Variants in CSMD3 observed in about 807,000 individuals in gnomAD.
CSMD3 encodes the protein CUB and Sushi multiple domains 3.
CSMD3 carries 177 observed loss-of-function variants against 435.2 expected under a neutral mutation model. The ratio of observed to expected loss-of-function variants is 0.41; its 90% CI spans 0.36 to 0.46. The LOEUF (loss-of-function observed/expected upper bound fraction) is 0.46. Among genes scored for constraint, CSMD3 ranks in the 20% least tolerant of loss-of-function variants. The probability of loss-of-function intolerance (pLI) is 0.34; values close to 1 mark genes in which losing one functional copy is unlikely to be tolerated. For missense variants in CSMD3, 4,265 were observed against 4,504.6 expected (o/e 0.95, Z 1.52); for synonymous variants, 1,656 against 1,520.5 (o/e 1.09, Z -2.07).
At chr8:112,720,298 A>G (rs2076828990) in intron 13 of CSMD3, among the ~76,000 whole-genome samples, 1 of 145,848 alleles carries the variant, frequency 6.9e-6, no homozygotes, top group African/African-American at 2.6e-5. Context: ...TTAAAATGCT[A>G]GAAATTTTTT....
chr8:112,485,995 G>A (rs1820091111), intron 31 of CSMD3, among the ~76,000 whole-genome samples: 1 of 150,820 alleles, frequency 6.6e-6, no homozygotes, highest in African/African-American at 2.4e-5. Flanking sequence ...TGAAACAAAG[G>A]TATTGAAAAG....
intron 12 of CSMD3, among the ~76,000 whole-genome samples, chr8:112,821,358 T>A (rs144484102): frequency 0.011 from 1,700 of 152,306 alleles, 30 homozygotes; most frequent in African/African-American, 0.038. Flanking sequence ...TGGTGTGAGA[T>A]AATATCTCAC....
intron 2 of CSMD3, among the ~76,000 whole-genome samples, chr8:113,308,374 T>C (rs2093839787): frequency 1.4e-5 from 2 of 139,392 alleles, no homozygotes; most frequent in African/African-American, 2.7e-5. Flanking sequence ...GTTCACGCCA[T>C]TCTCCTGCCT....
chr8:112,301,580 G>A (rs939224354), intron 53 of CSMD3, among the ~76,000 whole-genome samples: 5 of 152,094 alleles, frequency 3.3e-5, no homozygotes, highest in Admixed American at 6.6e-5. Context: ...AAGAAAATGT[G>A]TCTCTCCTTA....
chr8:113,113,204 TA>T (rs2090716402), intron 4 of CSMD3, among the ~76,000 whole-genome samples: 1 of 152,196 alleles, frequency 6.6e-6, no homozygotes, highest in Admixed American at 6.5e-5. Context: ...TATTTTGTTT[TA>T]GTTTTATTTA....
intron 10 of CSMD3, among the ~76,000 whole-genome samples, chr8:112,866,850 AATT>A (rs2080999354): frequency 6.6e-6 from 1 of 152,184 alleles, no homozygotes; most frequent in Non-Finnish European, 1.5e-5. Flanking sequence ...CGCTTCTAGA[AATT>A]CTAACTTGTA....
intron 10 of CSMD3, among the ~76,000 whole-genome samples, chr8:112,863,580 TC>T (rs1184315193): frequency 6.6e-6 from 1 of 152,076 alleles, no homozygotes; most frequent in East Asian, 1.9e-4. Context: ...ATCTCTCCAT[TC>T]TTATTCAATT....
chr8:112,345,986 C>T lies in CSMD3; in HGVS notation c.6442+111G>A, dbSNP rs1274461570. 5.1e-6 allele frequency: 4 copies of T among 777,900 alleles called. No individual in the cohort carries two copies. The Admixed American group carries it at 7.1e-5, about 14-fold the overall frequency. 48.2% of individuals were successfully genotyped at this position (777,900 alleles called of 1,614,324 possible). A position where few individuals can be genotyped will look rare whatever the true frequency, so the allele number is the denominator to read the frequency against. ...TTACATAGTTGTATGTATTCCTAAA[C>T]TAAACTGCAATTTGTGAAGATTTTA... is the stretch of plus-strand genomic sequence containing the variant. On this transcript the variant is annotated intron_variant, in intron 41 of 70. Coordinates refer to ENST00000297405, the MANE Select transcript of CSMD3 (RefSeq NM_198123.2).
intron 33 of CSMD3, among the ~76,000 whole-genome samples, 163 bp downstream of exon 33, chr8:112,408,756 T>C (rs1021448659): frequency 2.0e-5 from 3 of 151,994 alleles, no homozygotes; most frequent in Non-Finnish European, 4.4e-5. Flanking sequence ...CTCAACCTTC[T>C]GAGTTAATTT....
chr8:112,523,723 G>T (rs761458244), intron 27 of CSMD3, among the ~76,000 whole-genome samples: 1 of 152,048 alleles, frequency 6.6e-6, no homozygotes, highest in Non-Finnish European at 1.5e-5. Flanking sequence ...TTTTGCCCTT[G>T]ATTGAGCCCT....
At chr8:112,315,060 CT>C (rs1038818676) in intron 47 of CSMD3, among the ~76,000 whole-genome samples, 1 of 151,790 alleles carries the variant, frequency 6.6e-6, no homozygotes, top group African/African-American at 2.4e-5. Context: ...AGATAGAAAA[CT>C]GTCCTCTCTC....
chr8:113,300,176 A>AAC (rs1554602391), intron 2 of CSMD3, among the ~76,000 whole-genome samples: 2,018 of 149,578 alleles, frequency 0.013, 60 homozygotes, highest in African/African-American at 0.047. Context: ...AAAAAAAAAA[A>AAC]AACAACAGAT....
intron 32 of CSMD3, among the ~76,000 whole-genome samples, chr8:112,442,716 C>T (rs1815167613): frequency 6.6e-6 from 1 of 152,102 alleles, no homozygotes; most frequent in Non-Finnish European, 1.5e-5. Flanking sequence ...TGACTCAGCT[C>T]TCATCAAAAA....
chr8:113,041,266 G>A (rs1204507641), intron 5 of CSMD3, among the ~76,000 whole-genome samples: 1 of 151,570 alleles, frequency 6.6e-6, no homozygotes, highest in Non-Finnish European at 1.5e-5. Flanking sequence ...CTCCAACAAT[G>A]GAATGTGTGG....
intron 13 of CSMD3, among the ~76,000 whole-genome samples, chr8:112,720,541 T>C (rs953581743): frequency 2.0e-5 from 3 of 152,132 alleles, no homozygotes; most frequent in African/African-American, 7.2e-5. Flanking sequence ...CCTAGGCCTA[T>C]ACGGACCCTA....
At chr8:112,353,462 C>G (rs1178825105) in intron 38 of CSMD3, among the ~76,000 whole-genome samples, 1 of 152,096 alleles carries the variant, frequency 6.6e-6, no homozygotes, top group Non-Finnish European at 1.5e-5. Flanking sequence ...TACTTGAATT[C>G]AGTATTTTTC....
chr8:112,930,712 T>C (rs1280847613), intron 9 of CSMD3, among the ~76,000 whole-genome samples: 2 of 152,120 alleles, frequency 1.3e-5, no homozygotes, highest in Non-Finnish European at 2.9e-5. Context: ...GTTAATGTCA[T>C]AGAAATTTGC....
At chr8:112,895,457 T>C (rs1389975091) in intron 10 of CSMD3, among the ~76,000 whole-genome samples, 1 of 151,352 alleles carries the variant, frequency 6.6e-6, no homozygotes, top group Non-Finnish European at 1.5e-5. Context: ...TGATTTATTC[T>C]AGGAAAAACA....
chr8:113,352,761 C>CAGTA (rs1316282409), intron 1 of CSMD3, among the ~76,000 whole-genome samples: 1 of 152,068 alleles, frequency 6.6e-6, no homozygotes, highest in Non-Finnish European at 1.5e-5. Flanking sequence ...GGCTAAAGAG[C>CAGTA]AGTAGTTGGT....
Sources: gnomAD v4.1 joint callset for allele counts (sites outside exome capture counted in the v4.1 genomes callset) on GRCh38, gnomAD v4.1.1 for gene constraint, MANE v1.5 for transcripts, NCBI Gene and HGNC (gene_info 2026-07-23, HGNC 2026-07-21) for gene names.